SERPINE2: variants seen among roughly 807,000 people sequenced by gnomAD.
SERPINE2 encodes glia-derived nexin.
SERPINE2 carries 14 observed loss-of-function variants against 36.3 expected under a neutral mutation model. The ratio of observed to expected loss-of-function variants is 0.39; its 90% CI spans 0.25 to 0.60. The LOEUF is 0.60. SERPINE2 is among the 20% of genes least tolerant of loss of function. The pLI is 0.57. For missense variants in SERPINE2, 418 were observed against 499.6 expected (o/e 0.84, Z 1.56); for synonymous variants, 192 against 191.8 (o/e 1.00, Z -0.01).
intron 1 of SERPINE2, among the ~76,000 whole-genome samples, chr2:224,036,443 G>A (rs2106207986): frequency 6.7e-6 from 1 of 150,078 alleles, no homozygotes; most frequent in African/African-American, 2.5e-5. Context: ...AGAACACAGG[G>A]ACACAGGGAG....
chr2:223,980,303 G>C lies in SERPINE2; in HGVS notation c.1072+8C>G, dbSNP rs1690177572. On this transcript the variant is annotated splice_region_variant and intron_variant, in intron 7 of 8. Transcript: ENST00000409304. ...AGAGGAAGCCCTGCCACGTGACCCAGTGCTTACTTGTTGCTGCTGAAGCTT... is the reference window on the plus strand; with the variant it reads ...AGAGGAAGCCCTGCCACGTGACCCACTGCTTACTTGTTGCTGCTGAAGCTT... The C allele has an allele frequency of 1.9e-6, 3 of 1,613,092 alleles. No individual in the cohort carries two copies. Among genetic ancestry groups the C allele is most frequent in the Non-Finnish European group, 2.5e-6 (3 of 1,179,030 alleles).
intron 8 of SERPINE2, 105 bp downstream of exon 8, chr2:223,977,439 T>G: frequency 1.3e-6 from 1 of 758,630 alleles, no homozygotes; most frequent in Non-Finnish European, 2.4e-6. Flanking sequence ...ACTATTGACA[T>G]TAGGGAAATG....
intron 1 of SERPINE2, among the ~76,000 whole-genome samples, chr2:224,011,001 G>A (rs114750941): frequency 0.016 from 2,415 of 152,252 alleles, 34 homozygotes; most frequent in Non-Finnish European, 0.025. Flanking sequence ...GCGTTTTGCC[G>A]TCTCTGTAAG....
chr2:224,038,576 C>G, intron 1 of SERPINE2: 2 of 1,452,330 alleles, frequency 1.4e-6, no homozygotes, highest in Non-Finnish European at 1.9e-6. Context: ...AATCGGCTGC[C>G]AGAGGCCAAG....
intron 1 of SERPINE2, among the ~76,000 whole-genome samples, chr2:224,005,038 AAATATATTTTATATATTTTATATATAT>A: frequency 1.8e-5 from 1 of 55,890 alleles, no homozygotes; most frequent in Non-Finnish European, 4.0e-5. Flanking sequence ...TATAATATAT[AAATATATTTTATATATTTTATATATAT>A]TATATATATA....
chr2:224,022,636 C>T (rs1355007135), intron 1 of SERPINE2, among the ~76,000 whole-genome samples: 1 of 152,154 alleles, frequency 6.6e-6, no homozygotes, highest in Non-Finnish European at 1.5e-5. Flanking sequence ...AACCACTAAA[C>T]CTCTTGTGCT....
intron 4 of SERPINE2, among the ~76,000 whole-genome samples, chr2:223,986,163 TTGA>T (rs1489719144): frequency 6.6e-6 from 1 of 152,116 alleles, no homozygotes; most frequent in African/African-American, 2.4e-5. Flanking sequence ...GAGAGTGTAC[TTGA>T]TGAACACTGA....
intron 1 of SERPINE2, among the ~76,000 whole-genome samples, chr2:224,025,467 C>G (rs943923956): frequency 2.6e-5 from 4 of 152,222 alleles, no homozygotes; most frequent in Non-Finnish European, 5.9e-5. Flanking sequence ...TAAGACAGCC[C>G]TCTTCTTTTC....
At chr2:223,998,758 T>A (rs10183138) in intron 2 of SERPINE2, among the ~76,000 whole-genome samples, 40,061 of 151,932 alleles carry the variant, frequency 0.26, 6,411 homozygotes, top group African/African-American at 0.45. Context: ...TAGCTATGAG[T>A]AGCAAGAAAC....
rs770397146 is a variant in SERPINE2, at chr2:224,027,562, T to C, written c.-23+11537A>G. Among the ~76,000 whole-genome samples the C allele has an allele frequency of 2.6e-4, 40 of 152,184 alleles. 1 individual carries two copies. The highest frequency in any genetic ancestry group is 5.9e-4 in the Admixed American group (9 of 15,282). ...TCCAGTACAGGACTTAGGGACAAGG[T>C]GGGAGTGGTAGAAGTGGTTGGGTCT... On this transcript the variant is annotated intron_variant, in intron 1 of 8. Coordinates refer to ENST00000409304, the MANE Select transcript of SERPINE2 (RefSeq NM_001136528.2).
intron 2 of SERPINE2, among the ~76,000 whole-genome samples, chr2:224,000,267 A>C (rs1691060873): frequency 6.6e-6 from 1 of 152,138 alleles, no homozygotes; most frequent in Non-Finnish European, 1.5e-5. Context: ...AAGGTCACAG[A>C]GGGTGCTGGT....
intron 3 of SERPINE2, among the ~76,000 whole-genome samples, chr2:223,993,564 G>GTA (rs1281050860): frequency 1.3e-5 from 2 of 151,918 alleles, no homozygotes; most frequent in Non-Finnish European, 2.9e-5. Context: ...GTGTGTATGT[G>GTA]TGTATGTGTA....
At chr2:224,019,553 C>G (rs1691921944) in intron 1 of SERPINE2, among the ~76,000 whole-genome samples, 1 of 88,070 alleles carries the variant, frequency 1.1e-5, no homozygotes, top group African/African-American at 6.2e-5. Context: ...TCATCCTGTT[C>G]ACCATGGCAC....
intron 1 of SERPINE2, among the ~76,000 whole-genome samples, chr2:224,008,167 G>A (rs144006232): frequency 6.6e-6 from 1 of 152,312 alleles, no homozygotes; most frequent in East Asian, 1.9e-4. Flanking sequence ...CGTAGAGGGT[G>A]GTGAAATCAG....
intron 1 of SERPINE2, chr2:224,031,435 G>A (rs949314193): frequency 5.1e-6 from 5 of 985,514 alleles, no homozygotes; most frequent in African/African-American, 3.5e-5. Flanking sequence ...GGGAACGCCA[G>A]GCAGCACGGT....
chr2:224,020,862 C>T (rs533371819), intron 1 of SERPINE2, among the ~76,000 whole-genome samples: 2 of 152,330 alleles, frequency 1.3e-5, no homozygotes, highest in South Asian at 4.1e-4. Flanking sequence ...AAGTGCTCCA[C>T]ACATTTAATT....
intron 4 of SERPINE2, among the ~76,000 whole-genome samples, chr2:223,985,254 C>A (rs1427399550): frequency 1.3e-5 from 2 of 151,062 alleles, no homozygotes; most frequent in African/African-American, 4.9e-5. Flanking sequence ...AGAAGTTGAC[C>A]CTCACATGAA....
At chr2:224,029,176 CATAAG>C (rs934359946) in intron 1 of SERPINE2, among the ~76,000 whole-genome samples, 60 of 152,326 alleles carry the variant, frequency 3.9e-4, no homozygotes, top group African/African-American at 1.4e-3. Context: ...ACAGGTTTGG[CATAAG>C]ATAATAGGAT....
intron 1 of SERPINE2, among the ~76,000 whole-genome samples, chr2:224,019,152 A>G (rs549860004): frequency 7.2e-5 from 11 of 152,318 alleles, no homozygotes; most frequent in African/African-American, 2.6e-4. Context: ...TTGGAACCCT[A>G]TATACACTAT....
Sources: gnomAD v4.1 joint callset for allele counts (sites outside exome capture counted in the v4.1 genomes callset) on GRCh38, gnomAD v4.1.1 for gene constraint, MANE v1.5 for transcripts, NCBI Gene and HGNC (gene_info 2026-07-23, HGNC 2026-07-21) for gene names.